ZNF655: variants seen among roughly 807,000 people sequenced by gnomAD.
ZNF655 encodes the protein zinc finger protein 655.
ZNF655 carries 3 observed loss-of-function variants against 6.6 expected under a neutral mutation model. The observed-to-expected ratio is 0.46, with a 90% CI of 0.21 to 1.18. The LOEUF is 1.18. Ranked by LOEUF, ZNF655 falls within the 50% of genes most tolerant of loss-of-function variation. The probability of loss-of-function intolerance (pLI) is 0.24; values close to 1 mark genes in which losing one functional copy is unlikely to be tolerated. For missense variants in ZNF655, 526 were observed against 572.3 expected (o/e 0.92, Z 0.83); for synonymous variants, 178 against 195.0 (o/e 0.91, Z 0.73).
At chr7:99,569,393 G>A (rs1562936253) in intron 2 of ZNF655, among the ~76,000 whole-genome samples, 1 of 152,268 alleles carries the variant, frequency 6.6e-6, no homozygotes, top group East Asian at 1.9e-4. Context: ...TGTGTAATTT[G>A]GAGGAAGGGA....
rs981809659 is a variant in ZNF655 at position 99,576,343 on chromosome 7, A to G, written c.*2759A>G. The G allele has an allele frequency of 3.3e-5, 5 of 152,664 alleles. No individual in the cohort carries two copies. Among genetic ancestry groups the G allele is most frequent in the African/African-American group, 1.2e-4 (5 of 41,460 alleles). 9.5% of individuals were successfully genotyped at this position (152,664 alleles called of 1,614,324 possible). ...AGTCACGTATGGTGACTGAAACAGG[A>G]TTATGTAATCCCTAAAAAGCAGAAT... On this transcript the variant is annotated 3_prime_UTR_variant, in exon 3 of 3. Transcript: ENST00000252713.
At chr7:99,559,324 T>C (rs888090168) in intron 1 of ZNF655, among the ~76,000 whole-genome samples, 12 of 151,884 alleles carry the variant, frequency 7.9e-5, no homozygotes, top group Non-Finnish European at 1.6e-4. Context: ...CAAGCCCGTG[T>C]AGTAAATCGG....
chr7:99,572,874 A>T lies in ZNF655; in HGVS notation c.766A>T (p.Ser256Cys). 1 of 1,614,150 alleles carries T rather than the reference A, an allele frequency of 6.2e-7. No individual in the cohort carries two copies. The highest frequency in any genetic ancestry group is 8.5e-7 in the Non-Finnish European group (1 of 1,179,976). Residue 256 changes from serine (S) to cysteine (C), a missense_variant, in exon 3 of 3, where the codon AGT (serine) becomes TGT (cysteine). Physicochemically the swap from Ser to Cys is moderately radical, Grantham distance 112. Coordinates refer to ENST00000252713, the MANE Select transcript of ZNF655 (RefSeq NM_138494.3). ...EKSFSQSSSL[S>C]RHKRIHTREK... ...GTCTTTCAGTCAGAGCTCAAGTCTT[A>T]GTCGACATAAAAGAATACACACTAG...
chr7:99,560,731 G>A (rs565368865), intron 2 of ZNF655, 36 bp downstream of exon 2: 2 of 1,604,012 alleles, frequency 1.2e-6, no homozygotes, highest in African/African-American at 1.3e-5. Context: ...TGGGAGAGTG[G>A]GAGTGCGGAG....
intron 2 of ZNF655, chr7:99,571,913 C>T (rs1414336676): frequency 4.6e-6 from 3 of 650,690 alleles, no homozygotes; most frequent in East Asian, 2.8e-5. Context: ...TGGAGAGTTC[C>T]TTCCTTTTCC....
intron 2 of ZNF655, chr7:99,571,741 G>A (rs1477942158): frequency 6.2e-7 from 1 of 1,610,382 alleles, no homozygotes; most frequent in Non-Finnish European, 8.5e-7. Flanking sequence ...GGATCTACAG[G>A]TCTTTGATCT....
chr7:99,566,584 G>T (rs944445400), intron 2 of ZNF655, among the ~76,000 whole-genome samples: 4 of 152,252 alleles, frequency 2.6e-5, no homozygotes, highest in Admixed American at 6.5e-5. Flanking sequence ...TTGAGGCAGG[G>T]TCCCCTCTTG....
intron 2 of ZNF655, among the ~76,000 whole-genome samples, chr7:99,561,130 GTT>G (rs879732285): frequency 5.9e-5 from 9 of 152,160 alleles, no homozygotes; most frequent in Non-Finnish European, 1.2e-4. Flanking sequence ...TAACTGCAGT[GTT>G]TTGTGACTAG....
Position 99,563,131 on chromosome 7 carries a change from C to A in ZNF655, c.136+2436C>A, listed in dbSNP as rs867660298. The A allele has an allele frequency of 3.1e-5, 14 of 448,202 alleles. No homozygotes were observed. In the Middle Eastern group the frequency reaches 4.1e-3, roughly 130 times the overall value. The allele number at this position is 448,202 out of a possible 1,614,324, so 27.8% of individuals were successfully genotyped here. A position where few individuals can be genotyped will look rare whatever the true frequency, so the allele number is the denominator to read the frequency against. On this transcript the variant is annotated intron_variant, in intron 2 of 2. Coordinates refer to ENST00000252713, the MANE Select transcript of ZNF655 (RefSeq NM_138494.3). ...GGCAGCAGAAATCTCAGATGTTTAC[C>A]CCATGCTGAGGTGGGGTCAATGCTT... is the stretch of plus-strand genomic sequence containing the variant.
At chr7:99,562,397 G>A in intron 2 of ZNF655, 1 of 1,614,152 alleles carries the variant, frequency 6.2e-7, no homozygotes, top group Non-Finnish European at 8.5e-7. Flanking sequence ...ATGTGGCTGT[G>A]CACCTTACTC....
intron 2 of ZNF655, chr7:99,560,905 G>A (rs1584240780): frequency 2.2e-6 from 1 of 450,330 alleles, no homozygotes; most frequent in Non-Finnish European, 3.7e-6. Context: ...AATAAGCAGA[G>A]TGATGGCTGC....
chr7:99,564,381 C>G, intron 2 of ZNF655: 3 of 1,059,872 alleles, frequency 2.8e-6, no homozygotes, highest in Non-Finnish European at 3.4e-6. Flanking sequence ...GCCTAACTCT[C>G]CTGTGAACCC....
rs1314363917 is a variant in ZNF655, at chr7:99,572,797, A to T, written c.689A>T (p.His230Leu). The change falls in exon 3 of 3, where the codon CAT becomes CTT. Residue 230 changes from histidine to leucine, a missense_variant. Coordinates refer to ENST00000252713, the MANE Select transcript of ZNF655 (RefSeq NM_138494.3). ...IFHQSSALTR[H>L]QRIHTREKPY... ...CATCAGAGCTCAGCCCTTACTAGAC[A>T]TCAGAGAATCCATACTAGAGAGAAG... 1 of 1,613,518 alleles carries T rather than the reference A, an allele frequency of 6.2e-7. No individual in the cohort carries two copies. Among genetic ancestry groups the T allele is most frequent in the Non-Finnish European group, 8.5e-7 (1 of 1,179,910 alleles).
chr7:99,564,526 A>G, intron 2 of ZNF655: 2 of 985,792 alleles, frequency 2.0e-6, no homozygotes, highest in Non-Finnish European at 2.4e-6. Context: ...GCCTTTCCTG[A>G]TTAAGTGTTC....
At position 99,574,251 on chromosome 7, in the gene ZNF655, T is replaced by C. The variant is rs1804275774; in HGVS notation, c.*667T>C. 6.6e-6 allele frequency: 1 copy of C among 152,256 alleles called. No homozygotes were observed. The highest frequency in any genetic ancestry group is 2.4e-5 in the African/African-American group (1 of 41,468). The allele number at this position is 152,256 out of a possible 1,614,324, so 9.4% of individuals were successfully genotyped here. ...AAATAATGGAGAGAAAATTGTTGAT[T>C]ATTTGTTTATGAAATTGTTAATACA... is the stretch of plus-strand genomic sequence containing the variant. On this transcript the variant is annotated 3_prime_UTR_variant, in exon 3 of 3. Coordinates refer to ENST00000252713, the MANE Select transcript of ZNF655 (RefSeq NM_138494.3).
intron 2 of ZNF655, chr7:99,571,197 A>G (rs1804043243): frequency 2.4e-6 from 3 of 1,272,036 alleles, no homozygotes; most frequent in South Asian, 2.5e-5. Flanking sequence ...TACTGAAACA[A>G]ATTGTTTCTT....
rs1584264557 is a variant in ZNF655 at position 99,571,603 on chromosome 7, C to T, written c.137-642C>T. The T allele has an allele frequency of 5.8e-5, 66 of 1,135,188 alleles. 2 individuals carry two copies. In the South Asian group the frequency reaches 9.0e-4, roughly 15 times the overall value. 70.3% of individuals were successfully genotyped at this position (1,135,188 alleles called of 1,614,324 possible). A position where few individuals can be genotyped will look rare whatever the true frequency, so the allele number is the denominator to read the frequency against. ...TCTTCTCAGAATCGACCTTCTGTCT[C>T]TCTTAATCATTAGTTAAAAGAAAAA... On this transcript the variant is annotated intron_variant, in intron 2 of 2. Coordinates refer to ENST00000252713, the MANE Select transcript of ZNF655 (RefSeq NM_138494.3).
intron 2 of ZNF655, chr7:99,562,519 TTATC>T (rs1562932299): frequency 6.2e-7 from 1 of 1,602,642 alleles, no homozygotes; most frequent in Admixed American, 1.7e-5. Context: ...ATTATTCGGT[TTATC>T]TATTTGAATT....
chr7:99,570,543 G>A (rs1170124684), intron 2 of ZNF655: 1 of 152,148 alleles, frequency 6.6e-6, no homozygotes, highest in Admixed American at 6.5e-5. Flanking sequence ...GGCGCACAGA[G>A]TTGGCACTCA....
Sources: allele counts gnomAD v4.1 joint callset (sites outside exome capture counted in the v4.1 genomes callset), GRCh38; gene constraint gnomAD v4.1.1; transcripts MANE v1.5; gene names NCBI Gene and HGNC (gene_info 2026-07-23, HGNC 2026-07-21).